Variants in SLFN12L observed in about 807,000 individuals in gnomAD.
The protein encoded by SLFN12L is schlafen family member 12 like, also known as schlafen family member 12-like.
In SLFN12L, 34 loss-of-function variants were observed where a neutral mutation model predicts 34.8. The ratio of observed to expected loss-of-function variants is 0.98; its 90% CI spans 0.74 to 1.30. SLFN12L has a LOEUF of 1.30. Ranked by LOEUF, SLFN12L falls within the 50% of genes most tolerant of loss-of-function variation. The pLI is 0.00. For missense variants in SLFN12L, 703 were observed against 696.2 expected (o/e 1.01, Z -0.11); for synonymous variants, 259 against 247.5 (o/e 1.05, Z -0.44).
intron 2 of SLFN12L, chr17:35,498,961 T>C: frequency 1.4e-6 from 1 of 714,590 alleles, no homozygotes; most frequent in Non-Finnish European, 2.6e-6. Context: ...ATTAAGCAAG[T>C]CAAGGATGGG....
chr17:35,508,340 T>C (rs970255258), intron 2 of SLFN12L, among the ~76,000 whole-genome samples: 10 of 152,132 alleles, frequency 6.6e-5, no homozygotes, highest in African/African-American at 2.4e-4. Flanking sequence ...GTCTGAGTGG[T>C]TTTGTCTGCA....
At chr17:35,488,776 AAGTAT>A (rs1430006288) in intron 2 of SLFN12L, among the ~76,000 whole-genome samples, 1 of 152,152 alleles carries the variant, frequency 6.6e-6, no homozygotes, top group Non-Finnish European at 1.5e-5. Flanking sequence ...CATGCATTGA[AAGTAT>A]ATAGCTGGCC....
chr17:35,480,210 C>T lies in SLFN12L; in HGVS notation c.87-15G>A, dbSNP rs1194650793. On this transcript the variant is annotated splice_polypyrimidine_tract_variant and intron_variant, in intron 2 of 4. Transcript: ENST00000628453. The stretch of plus-strand genomic sequence containing the variant: ...GAAATTCTTTTCTGTAAAATAGAGC[C>T]GTTAGAATAGGAGTTAAGCCTGAGA... 2 of 1,536,598 alleles carry T rather than the reference C, an allele frequency of 1.3e-6. No homozygotes were observed. Among genetic ancestry groups the T allele is most frequent in the Non-Finnish European group, 1.7e-6 (2 of 1,143,164 alleles).
intron 2 of SLFN12L, chr17:35,499,151 T>A (rs974091940): frequency 1.1e-6 from 1 of 894,946 alleles, no homozygotes; most frequent in African/African-American, 1.7e-5. Context: ...CCCGCATCCA[T>A]TTGGCTTGTG....
chr17:35,487,850 G>T (rs1164626443), intron 2 of SLFN12L: 2 of 1,202,648 alleles, frequency 1.7e-6, no homozygotes, highest in African/African-American at 1.5e-5. Context: ...TCGGGCACTC[G>T]ACTCCCCGGA....
In SLFN12L at chr17:35,479,731, G is replaced by A. The variant is rs766455327; in HGVS notation, c.551C>T (p.Ala184Val). 28 of 1,614,128 alleles carry A rather than the reference G, an allele frequency of 1.7e-5. No homozygotes were observed. The highest frequency in any genetic ancestry group is 2.2e-5 in the East Asian group (1 of 44,880). ...TSAKVMNASA[A>V]LEFLKDMEKT... ...TTCCATGTCTTTGAGGAACTCCAGT[G>A]CAGCAGAAGCATTCATGACTTTTGC... is the stretch of plus-strand genomic sequence containing the variant. Residue 184 changes from alanine (A) to valine (V), a missense_variant, in exon 3 of 5, where the codon GCA (alanine) becomes GTA (valine). Ala to Val is a moderately conservative substitution (Grantham distance 64). Coordinates refer to ENST00000628453, the MANE Select transcript of SLFN12L (RefSeq NM_001363830.2).
intron 2 of SLFN12L, among the ~76,000 whole-genome samples, chr17:35,518,546 AT>A (rs776627557): frequency 1.9e-5 from 1 of 53,498 alleles, no homozygotes; most frequent in Admixed American, 2.3e-4. Flanking sequence ...GTGAGACTGT[AT>A]TTAAAAAAAA....
At chr17:35,529,273 G>A (rs1447506407) in intron 1 of SLFN12L, among the ~76,000 whole-genome samples, 3 of 152,304 alleles carry the variant, frequency 2.0e-5, no homozygotes, top group African/African-American at 7.2e-5. Context: ...CCACCATTGT[G>A]GAAGACAGTG....
chr17:35,480,861 G>A (rs1190340307), intron 2 of SLFN12L, among the ~76,000 whole-genome samples: 2 of 151,542 alleles, frequency 1.3e-5, no homozygotes, highest in Non-Finnish European at 2.9e-5. Context: ...AGAGACTGAG[G>A]GCACAAGCTC....
intron 1 of SLFN12L, among the ~76,000 whole-genome samples, chr17:35,530,428 AG>A (rs796136088): frequency 0.11 from 1,125 of 9,870 alleles, 239 homozygotes; most frequent in African/African-American, 0.21. Context: ...GAAGGAAGGA[AG>A]GGAAGGGAAG....
chr17:35,536,917 T>C (rs890750903), intron 1 of SLFN12L, among the ~76,000 whole-genome samples: 1 of 152,056 alleles, frequency 6.6e-6, no homozygotes, highest in Non-Finnish European at 1.5e-5. Flanking sequence ...GGCTAATGTC[T>C]ATAATCCCAG....
At chr17:35,507,561 G>C (rs1204012288) in intron 2 of SLFN12L, among the ~76,000 whole-genome samples, 1 of 152,216 alleles carries the variant, frequency 6.6e-6, no homozygotes, top group African/African-American at 2.4e-5. Flanking sequence ...AGGGCAAGCA[G>C]TTGAAGACAT....
intron 2 of SLFN12L, among the ~76,000 whole-genome samples, chr17:35,483,453 A>G (rs563167431): frequency 6.6e-6 from 1 of 152,308 alleles, no homozygotes; most frequent in South Asian, 2.1e-4. Flanking sequence ...CTTCTGCCAT[A>G]TGAAAAACAC....
At chr17:35,477,902 T>G (rs1274820685) in intron 4 of SLFN12L, 173 bp downstream of exon 4, 1 of 502,454 alleles carries the variant, frequency 2.0e-6, no homozygotes, top group African/African-American at 2.0e-5. Context: ...CTACCCCTAC[T>G]TAGGCACCTA....
chr17:35,522,296 A>G lies in SLFN12L; in HGVS notation c.69T>C (p.Phe23=). 1 of 1,614,202 alleles carries G rather than the reference A, an allele frequency of 6.2e-7. No homozygotes were observed. Among genetic ancestry groups the G allele is most frequent in the South Asian group, 1.1e-5 (1 of 91,088 alleles). ...CTGCTTACCTGATGAAATTCCTCAG[A>G]AACTGACTTTCACAAATGTAGAGAA... ...HRILYICESQ[F]LRNFIRKEFL... The change falls in exon 2 of 5, where the codon TTT becomes TTC. Residue 23 remains phenylalanine, a synonymous_variant. Coordinates refer to ENST00000628453, the MANE Select transcript of SLFN12L (RefSeq NM_001363830.2).
rs139793364 is a variant in SLFN12L, at chr17:35,515,421, G to A, written c.86+6858C>T. ...ACTGAGTTTATATTATTTTCTCTAT[G>A]CCTGGAGAGTGTTTCTTTTGTTTTA... On this transcript the variant is annotated intron_variant, in intron 2 of 4. Coordinates refer to ENST00000628453, the MANE Select transcript of SLFN12L (RefSeq NM_001363830.2). Among the ~76,000 whole-genome samples the A allele has an allele frequency of 4.5e-3, 680 of 152,228 alleles. 3 individuals are homozygous for A. The highest frequency in any genetic ancestry group is 0.015 in the African/African-American group (643 of 41,528).
intron 2 of SLFN12L, among the ~76,000 whole-genome samples, chr17:35,508,433 G>A (rs761166360): frequency 2.0e-5 from 3 of 152,150 alleles, no homozygotes; most frequent in Non-Finnish European, 4.4e-5. Flanking sequence ...TGCAATGTCC[G>A]CCTCCCAGGT....
At chr17:35,526,516 C>T (rs1187303233) in intron 1 of SLFN12L, among the ~76,000 whole-genome samples, 1 of 152,130 alleles carries the variant, frequency 6.6e-6, no homozygotes. Context: ...TCCTCTCAGT[C>T]CACAGTGCAA....
At chr17:35,506,395 T>C (rs1042427660) in intron 2 of SLFN12L, among the ~76,000 whole-genome samples, 1 of 152,142 alleles carries the variant, frequency 6.6e-6, no homozygotes, top group African/African-American at 2.4e-5. Flanking sequence ...ATAAAAAGAA[T>C]CCTGTCCACC....
Sources: gnomAD v4.1 joint callset for allele counts (sites outside exome capture counted in the v4.1 genomes callset) on GRCh38, gnomAD v4.1.1 for gene constraint, MANE v1.5 for transcripts, NCBI Gene and HGNC (gene_info 2026-07-23, HGNC 2026-07-21) for gene names.